The following SLC25A25 variants were observed in gnomAD, a reference collection of about 807,000 sequenced individuals.
SLC25A25 encodes the protein solute carrier family 25 member 25.
Under a neutral mutation model 57.7 loss-of-function variants are expected in SLC25A25, and 32 were observed. That is an observed-to-expected ratio of 0.55 (90% CI 0.42 to 0.74). The LOEUF is 0.74. SLC25A25 is among the 30% of genes least tolerant of loss of function. The pLI, the probability that SLC25A25 is intolerant of heterozygous loss-of-function variation, is 0.00. For missense variants in SLC25A25, 556 were observed against 701.3 expected (o/e 0.79, Z 2.34); for synonymous variants, 306 against 291.2 (o/e 1.05, Z -0.52).
chr9:128,071,993 G>A (rs910973032), intron 1 of SLC25A25, among the ~76,000 whole-genome samples: 3 of 152,318 alleles, frequency 2.0e-5, no homozygotes, highest in African/African-American at 4.8e-5. Context: ...GATTACAGGC[G>A]CGAGCAACTG....
Position 128,099,280 on chromosome 9 carries a change from A to C in SLC25A25, c.262-1816A>C. ...AGTTTCCCTGCTACCCCCAGTGCCC[A>C]CTGTGCACCAAGGGGGATTTGCAGA... On this transcript the variant is annotated intron_variant, in intron 1 of 10. Transcript: ENST00000373069. This position sits in a 1 kb window ranked among gnomAD's most constrained non-coding sequence, Gnocchi z 6.8. 7.8e-7 allele frequency: 1 copy of C among 1,288,458 alleles called. No homozygotes were observed. Among genetic ancestry groups the C allele is most frequent in the Non-Finnish European group, 1.0e-6 (1 of 988,236 alleles). The allele number at this position is 1,288,458 out of a possible 1,614,324, so 79.8% of individuals were successfully genotyped here.
chr9:128,093,068 G>T (rs1427944832), intron 1 of SLC25A25, among the ~76,000 whole-genome samples: 1 of 152,218 alleles, frequency 6.6e-6, no homozygotes, highest in Non-Finnish European at 1.5e-5. Flanking sequence ...GCACATTATA[G>T]ATACCACAGA....
chr9:128,071,802 C>T (rs1289067285), intron 1 of SLC25A25, among the ~76,000 whole-genome samples: 1 of 152,028 alleles, frequency 6.6e-6, no homozygotes, highest in Non-Finnish European at 1.5e-5. Context: ...ACCTCTGCCT[C>T]CTGGGTTCAA....
chr9:128,105,480 T>TG (rs1833986309), intron 6 of SLC25A25, among the ~76,000 whole-genome samples: 1 of 152,124 alleles, frequency 6.6e-6, no homozygotes, highest in Admixed American at 6.5e-5. Flanking sequence ...CTTGATTTTT[T>TG]TTTTAAGTCA....
intron 1 of SLC25A25, among the ~76,000 whole-genome samples, chr9:128,085,873 T>C (rs1436667624): frequency 1.3e-5 from 2 of 152,108 alleles, no homozygotes. Flanking sequence ...ATTTTCCAAA[T>C]ATCTTTTTTT....
intron 1 of SLC25A25, among the ~76,000 whole-genome samples, chr9:128,072,674 T>C (rs1268881178): frequency 6.6e-6 from 1 of 152,180 alleles, no homozygotes; most frequent in Non-Finnish European, 1.5e-5. Context: ...AAAGGGCATG[T>C]AAGCGAGAAG....
chr9:128,068,657 C>T, intron 1 of SLC25A25, 77 bp downstream of exon 1: 1 of 1,349,798 alleles, frequency 7.4e-7, no homozygotes, highest in Non-Finnish European at 9.5e-7. Flanking sequence ...GGGGACGGCC[C>T]CTTGGGCTGG....
intron 1 of SLC25A25, among the ~76,000 whole-genome samples, chr9:128,074,567 G>A (rs150382852): frequency 6.6e-6 from 1 of 151,772 alleles, no homozygotes; most frequent in African/African-American, 2.4e-5. Context: ...AAATTAGCCG[G>A]GCGTGGTGGC....
At chr9:128,069,753 T>TTTTG (rs977474006) in intron 1 of SLC25A25, among the ~76,000 whole-genome samples, 1 of 152,126 alleles carries the variant, frequency 6.6e-6, no homozygotes, top group Non-Finnish European at 1.5e-5. Flanking sequence ...GACAAGTTTT[T>TTTTG]TTTGTTTGTT....
chr9:128,076,290 C>G (rs1833009718), intron 1 of SLC25A25, among the ~76,000 whole-genome samples: 1 of 152,032 alleles, frequency 6.6e-6, no homozygotes, highest in South Asian at 2.1e-4. Context: ...ACCACCATGC[C>G]CAGCTAATTT....
chr9:128,104,648 G>C (rs1464708515), intron 6 of SLC25A25, among the ~76,000 whole-genome samples: 1 of 152,154 alleles, frequency 6.6e-6, no homozygotes, highest in African/African-American at 2.4e-5. Flanking sequence ...GAATGTTGTA[G>C]AGATTGAAAG....
At position 128,087,825 on chromosome 9, in the gene SLC25A25, C is replaced by G. The variant is rs532080414; in HGVS notation, c.262-13271C>G. Among the ~76,000 whole-genome samples the G allele has an allele frequency of 3.3e-5, 5 of 152,324 alleles. No homozygotes were observed. The East Asian group carries it at 9.6e-4, about 29-fold the overall frequency. Reference sequence around the variant, plus strand: ...TCTGCAGTGTCTGATCTGTTAAAATCATTTTTCATCTGAGACATTGTAGTT... The same window carrying G: ...TCTGCAGTGTCTGATCTGTTAAAATGATTTTTCATCTGAGACATTGTAGTT... On this transcript the variant is annotated intron_variant, in intron 1 of 10. Coordinates refer to ENST00000373069, the MANE Select transcript of SLC25A25 (RefSeq NM_001330988.2).
At chr9:128,072,030 A>G (rs1251948416) in intron 1 of SLC25A25, among the ~76,000 whole-genome samples, 1 of 152,198 alleles carries the variant, frequency 6.6e-6, no homozygotes, top group African/African-American at 2.4e-5. Flanking sequence ...CTGTATTTCT[A>G]CTACTTTTTT....
chr9:128,087,376 C>A (rs1833301855), intron 1 of SLC25A25, among the ~76,000 whole-genome samples: 1 of 152,204 alleles, frequency 6.6e-6, no homozygotes, highest in African/African-American at 2.4e-5. Context: ...ATTCTCCTGC[C>A]TCAGCCTCCT....
At chr9:128,088,685 G>A (rs1833332806) in intron 1 of SLC25A25, among the ~76,000 whole-genome samples, 1 of 152,160 alleles carries the variant, frequency 6.6e-6, no homozygotes, top group Non-Finnish European at 1.5e-5. Flanking sequence ...TCTATGTTTT[G>A]TTTGCACTTG....
chr9:128,083,513 C>CTTTTTTTTTTTTTTT (rs1315501906), intron 1 of SLC25A25, among the ~76,000 whole-genome samples: 1 of 117,454 alleles, frequency 8.5e-6, no homozygotes, highest in Non-Finnish European at 1.6e-5. Context: ...TTTCTTTTTT[C>CTTTTTTTTTTTTTTT]TTTTTTTTTT....
At chr9:128,100,877 T>G in intron 1 of SLC25A25, 1 of 579,314 alleles carries the variant, frequency 1.7e-6, no homozygotes, top group Admixed American at 3.1e-5. Context: ...AGATTGGCCC[T>G]TGCCTGGGTT....
chr9:128,099,498 C>A lies in SLC25A25; in HGVS notation c.262-1598C>A. On this transcript the variant is annotated intron_variant, in intron 1 of 10. Coordinates refer to ENST00000373069, the MANE Select transcript of SLC25A25 (RefSeq NM_001330988.2). The surrounding 1 kb of genome is among the most constrained non-coding windows in gnomAD (Gnocchi z 6.8). Reference sequence around the variant, plus strand: ...CAGAGGGCTCCATGCCTGATGTTCGCCTCCTGCCTAAATGGCTTGTCCACT... The same window carrying A: ...CAGAGGGCTCCATGCCTGATGTTCGACTCCTGCCTAAATGGCTTGTCCACT... 1 of 825,068 alleles carries A rather than the reference C, an allele frequency of 1.2e-6. No individual in the cohort carries two copies. The highest frequency in any genetic ancestry group is 1.6e-6 in the Non-Finnish European group (1 of 637,632). The allele number at this position is 825,068 out of a possible 1,614,324, so 51.1% of individuals were successfully genotyped here.
chr9:128,100,126 C>T (rs920587071), intron 1 of SLC25A25, among the ~76,000 whole-genome samples: 3 of 152,154 alleles, frequency 2.0e-5, no homozygotes, highest in African/African-American at 7.2e-5. Context: ...TGTTTAGGCT[C>T]TCGGAACTCC....
Sources: allele counts gnomAD v4.1 joint callset (sites outside exome capture counted in the v4.1 genomes callset), GRCh38; gene constraint gnomAD v4.1.1; non-coding constraint Gnocchi (gnomAD v3.1); transcripts MANE v1.5; gene names NCBI Gene and HGNC (gene_info 2026-07-23, HGNC 2026-07-21).